BLM: variants seen among roughly 807,000 people sequenced by gnomAD.
The protein encoded by BLM is BLM RecQ like helicase.
Under a neutral mutation model 135.3 loss-of-function variants are expected in BLM, and 95 were observed. The ratio of observed to expected loss-of-function variants is 0.70; its 90% CI spans 0.59 to 0.83. The LOEUF (loss-of-function observed/expected upper bound fraction) is 0.83. Among genes scored for constraint, BLM ranks in the 40% least tolerant of loss-of-function variants. The pLI is 0.00. For missense variants in BLM, 1,518 were observed against 1,663.9 expected, an observed-to-expected ratio of 0.91 and a Z score of 1.53; for synonymous variants, 520 against 589.2, an observed-to-expected ratio of 0.88 and a Z score of 1.70.
intron 20 of BLM, among the ~76,000 whole-genome samples, 171 bp from the exon 21 acceptor site, chr15:90,811,034 C>T (rs1354431869): frequency 6.6e-6 from 1 of 152,054 alleles, no homozygotes; most frequent in Non-Finnish European, 1.5e-5. Flanking sequence ...CACTTTGGGG[C>T]TTTGTGCAGT....
chr15:90,734,646 C>T (rs1255646134), intron 1 of BLM, among the ~76,000 whole-genome samples: 1 of 151,424 alleles, frequency 6.6e-6, no homozygotes, highest in African/African-American at 2.4e-5. Flanking sequence ...GTCTCTCACG[C>T]ACACATACAC....
At position 90,736,282 on chromosome 15, in the gene BLM, T is replaced by C. The variant is rs551722041; in HGVS notation, c.-4-11107T>C. The stretch of plus-strand genomic sequence containing the variant: ...TTCTTTTCTTTCTTTCCTTTTTTTT[T>C]GAGACAGGGTCTTGCTTGTTGCCCA... On this transcript the variant is annotated intron_variant, in intron 1 of 21. Transcript: ENST00000355112. Among the ~76,000 whole-genome samples, 17 of 152,266 alleles carry C rather than the reference T, an allele frequency of 1.1e-4. No homozygotes were observed. In the South Asian group the frequency reaches 3.3e-3, roughly 30 times the overall value.
At chr15:90,785,522 A>G (rs980100199) in intron 14 of BLM, among the ~76,000 whole-genome samples, 1 of 150,598 alleles carries the variant, frequency 6.6e-6, no homozygotes, top group Admixed American at 6.6e-5. Flanking sequence ...ATCATACAGT[A>G]TGTGGTCTTT....
chr15:90,754,810 G>A lies in BLM; in HGVS notation c.960-1G>A, dbSNP rs1596223715. The A allele has an allele frequency of 1.2e-6, 2 of 1,613,262 alleles. No homozygotes were observed. The highest frequency in any genetic ancestry group is 1.1e-5 in the South Asian group (1 of 90,978). ...TGGCTTAACATTTTTTTTATTTGCA[G>A]TACGTTAAAGGACCTTGACACCTCT... On this transcript the variant is annotated splice_acceptor_variant, in intron 4 of 21. Coordinates refer to ENST00000355112, the MANE Select transcript of BLM (RefSeq NM_000057.4). LOFTEE classifies it high-confidence loss of function.
chr15:90,747,446 C>G lies in BLM; in HGVS notation c.54C>G (p.Ala18=), dbSNP rs1895534219. The change falls in exon 2 of 22, where the codon GCC becomes GCG. Residue 18 remains alanine, a synonymous_variant. Transcript: ENST00000355112. The stretch of plus-strand genomic sequence containing the variant: ...AGGAGCAACTAGAACGTCACTCAGC[C>G]AGAACACTTAATAATAAATTAAGTC... ...NLQEQLERHS[A]RTLNNKLSLS... is the part of the protein sequence containing the mutation. 1.2e-6 allele frequency: 2 copies of G among 1,611,364 alleles called. No homozygotes were observed. The highest frequency in any genetic ancestry group is 4.5e-5 in the East Asian group (2 of 44,828).
At chr15:90,754,776 T>C in intron 4 of BLM, 35 bp from the exon 5 acceptor site, 1 of 1,606,344 alleles carries the variant, frequency 6.2e-7, no homozygotes, top group East Asian at 2.2e-5. Flanking sequence ...GTCTAGCCTA[T>C]AGTATGATTG....
chr15:90,811,158 G>C, intron 20 of BLM, 47 bp from the exon 21 acceptor site: 1 of 1,596,994 alleles, frequency 6.3e-7, no homozygotes, highest in Non-Finnish European at 8.6e-7. Context: ...AAAAACACGT[G>C]GACCAGTGCG....
At chr15:90,800,789 A>G (rs1897147398) in intron 17 of BLM, among the ~76,000 whole-genome samples, 1 of 152,114 alleles carries the variant, frequency 6.6e-6, no homozygotes, top group South Asian at 2.1e-4. Flanking sequence ...ACCAAAAAAA[A>G]GGAGAGAGGC....
At chr15:90,724,554 G>C (rs1470442136) in intron 1 of BLM, among the ~76,000 whole-genome samples, 1 of 152,068 alleles carries the variant, frequency 6.6e-6, no homozygotes, top group Admixed American at 6.6e-5. Flanking sequence ...AGTCCTCCCT[G>C]TCCACCCGCA....
At chr15:90,768,716 GTGTTTT>G (rs529220280) in intron 10 of BLM, among the ~76,000 whole-genome samples, 24 of 152,022 alleles carry the variant, frequency 1.6e-4, no homozygotes, top group African/African-American at 2.7e-4. Flanking sequence ...TTATATGGAG[GTGTTTT>G]TGTTTTTGTT....
chr15:90,788,471 G>GTTTTTTTTTTTTTTTTT (rs35158343), intron 14 of BLM, among the ~76,000 whole-genome samples: 20 of 95,012 alleles, frequency 2.1e-4, no homozygotes, highest in African/African-American at 2.8e-4. Flanking sequence ...CCAGTGTTTT[G>GTTTTTTTTTTTTTTTTT]TTTTTTTTTT....
intron 15 of BLM, among the ~76,000 whole-genome samples, chr15:90,792,601 G>A (rs1003510663): frequency 3.3e-5 from 5 of 152,264 alleles, no homozygotes; most frequent in Admixed American, 6.5e-5. Context: ...CACTGATATG[G>A]CAGGAGCAAT....
rs753011288 is a variant in BLM at position 90,815,119 on chromosome 15, G to A, written c.4094G>A (p.Arg1365Lys). ...SKAKGGSATCRKISSKTKSSS... is the reference protein window; with the variant it reads ...SKAKGGSATCKKISSKTKSSS... ...CATTTCAGGGGGTCTGCCACATGTAGAAAGATATCTTCCAAAACGAAATCC... is the reference window on the plus strand; with the variant it reads ...CATTTCAGGGGGTCTGCCACATGTAAAAAGATATCTTCCAAAACGAAATCC... Residue 1365 changes from arginine to lysine, a missense_variant, in exon 22 of 22, where the codon AGA (arginine) becomes AAA (lysine). By Grantham distance (26) the Arg-to-Lys change is conservative. Around this residue, in one of 5 missense-constraint regions of BLM, gnomAD observed 153 missense variants for 173.4 expected, o/e 0.88. Coordinates refer to ENST00000355112, the MANE Select transcript of BLM (RefSeq NM_000057.4). The surrounding 1 kb of genome is among the most constrained non-coding windows in gnomAD (Gnocchi z 4.6). 1.2e-5 allele frequency: 20 copies of A among 1,614,044 alleles called. No homozygotes were observed. The highest frequency in any genetic ancestry group is 1.4e-5 in the Non-Finnish European group (17 of 1,180,024).
chr15:90,752,080 T>A (rs1895702797), intron 4 of BLM, 134 bp downstream of exon 4: 1 of 861,798 alleles, frequency 1.2e-6, no homozygotes. Context: ...AGTGAAAGCC[T>A]CAAAAAAAAA....
At chr15:90,779,407 G>A (rs776535145) in intron 12 of BLM, among the ~76,000 whole-genome samples, 5 of 151,974 alleles carry the variant, frequency 3.3e-5, no homozygotes, top group Admixed American at 1.3e-4. Flanking sequence ...CCATTGTTAT[G>A]CCCAGTCACC....
intron 12 of BLM, among the ~76,000 whole-genome samples, chr15:90,775,494 T>C (rs1373614895): frequency 6.9e-6 from 1 of 145,426 alleles, no homozygotes; most frequent in Non-Finnish European, 1.5e-5. Flanking sequence ...TGTGTGTTTT[T>C]ATTTTTTATA....
intron 1 of BLM, among the ~76,000 whole-genome samples, chr15:90,724,058 G>A (rs528035729): frequency 2.0e-5 from 3 of 151,878 alleles, no homozygotes; most frequent in East Asian, 3.9e-4. Context: ...AGCTATCCAG[G>A]CTGGAGTGCA....
intron 14 of BLM, among the ~76,000 whole-genome samples, chr15:90,789,987 G>GTTTTTTTTTTTTTTTTTTTTTTT (rs61059865): frequency 1.7e-5 from 1 of 57,378 alleles, no homozygotes; most frequent in African/African-American, 5.3e-5. Flanking sequence ...AGTCCCTGGT[G>GTTTTTTTTTTTTTTTTTTTTTTT]TTTTTTTTTT....
rs1203882250 is a variant in BLM, at chr15:90,769,599, A to T, written c.2555+13A>T. ...TCAGACCTCAGGTGTAAGTTGTTGC[A>T]CGTCACGTATTTGAGAACCCTGGGG... On this transcript the variant is annotated intron_variant, in intron 12 of 21. Transcript: ENST00000355112. The T allele has an allele frequency of 6.2e-7, 1 of 1,612,712 alleles. No individual in the cohort carries two copies. Among genetic ancestry groups the T allele is most frequent in the African/African-American group, 1.3e-5 (1 of 74,844 alleles).
Sources: allele counts gnomAD v4.1 joint callset (sites outside exome capture counted in the v4.1 genomes callset), GRCh38; gene constraint gnomAD v4.1.1; regional missense constraint gnomAD v4.1.1; non-coding constraint Gnocchi (gnomAD v3.1); transcripts MANE v1.5; gene names NCBI Gene and HGNC (gene_info 2026-07-23, HGNC 2026-07-21).